Variants in CARTPT observed in about 807,000 individuals in gnomAD.
CARTPT encodes the protein CART prepropeptide.
Under a neutral mutation model 12.2 loss-of-function variants are expected in CARTPT, and 6 were observed. The observed-to-expected ratio is 0.49, with a 90% CI of 0.27 to 0.97. CARTPT has a LOEUF of 0.97. Ranked by LOEUF, CARTPT falls within the 50% of genes least tolerant of loss-of-function variation. The pLI, the probability that CARTPT is intolerant of heterozygous loss-of-function variation, is 0.12. For synonymous variants in CARTPT, 75 were observed against 64.1 expected (o/e 1.17, Z -0.82); for missense variants, 135 against 142.0 (o/e 0.95, Z 0.25).
At chr5:71,719,603 A>G (rs1231659491) in intron 1 of CARTPT, 151 bp downstream of exon 1, 3 of 924,102 alleles carry the variant, frequency 3.2e-6, no homozygotes, top group Non-Finnish European at 5.0e-6. Flanking sequence ...CCATCCGAAG[A>G]GCGTCTCGAG....
Position 71,719,884 on chromosome 5 carries a change from A to C in CARTPT, c.164A>C (p.Glu55Ala). 1 of 1,614,164 alleles carries C rather than the reference A, an allele frequency of 6.2e-7. No individual in the cohort carries two copies. ...DDASHEKELI[E>A]ALQEVLKKLK... Reference sequence around the variant, plus strand: ...CTCCGAAGCGGTGTGTTGCAGATCGAAGCGCTGCAAGAAGTCTTGAAGAAG... The same window carrying C: ...CTCCGAAGCGGTGTGTTGCAGATCGCAGCGCTGCAAGAAGTCTTGAAGAAG... Residue 55 changes from glutamate to alanine, a missense_variant, in exon 2 of 3, where the codon GAA becomes GCA. Physicochemically the swap from Glu to Ala is moderately radical, Grantham distance 107 (BLOSUM62 -1). Coordinates refer to ENST00000296777, the MANE Select transcript of CARTPT (RefSeq NM_004291.4).
At chr5:71,719,492 C>A in intron 1 of CARTPT, 40 bp downstream of exon 1, 1 of 1,612,200 alleles carries the variant, frequency 6.2e-7, no homozygotes, top group Middle Eastern at 1.7e-4. Flanking sequence ...TGAGCTGTCG[C>A]CTTGTCTCTT....
chr5:71,719,589 A>G, intron 1 of CARTPT, 137 bp downstream of exon 1: 1 of 1,037,978 alleles, frequency 9.6e-7, no homozygotes, highest in African/African-American at 1.6e-5. Context: ...CCAGGCACCC[A>G]CTGCCATCCG....
At chr5:71,720,084 T>G in intron 2 of CARTPT, 121 bp downstream of exon 2, 1 of 860,486 alleles carries the variant, frequency 1.2e-6, no homozygotes, top group African/African-American at 1.6e-5. Flanking sequence ...GCTTGCAGGA[T>G]TCTGTGGGCT....
At chr5:71,719,692 G>T in intron 1 of CARTPT, 188 bp from the exon 2 acceptor site, 1 of 751,400 alleles carries the variant, frequency 1.3e-6, no homozygotes, top group South Asian at 1.6e-5. Flanking sequence ...GCGGCTCAGA[G>T]ACCCGCGGTC....
chr5:71,720,030 C>T (rs1396434640), intron 2 of CARTPT, 67 bp downstream of exon 2: 4 of 1,344,302 alleles, frequency 3.0e-6, no homozygotes, highest in Non-Finnish European at 4.3e-6. Flanking sequence ...GAATCGTACA[C>T]ACAGTCTTCT....
intron 2 of CARTPT, 79 bp downstream of exon 2, chr5:71,720,042 C>T (rs892979451): frequency 1.6e-6 from 2 of 1,257,956 alleles, no homozygotes; most frequent in Non-Finnish European, 2.3e-6. Flanking sequence ...CAGTCTTCTC[C>T]GTAGGATGTG....
At chr5:71,719,541 A>C in intron 1 of CARTPT, 89 bp downstream of exon 1, 2 of 1,491,938 alleles carry the variant, frequency 1.3e-6, no homozygotes, top group Non-Finnish European at 1.9e-6. Flanking sequence ...CCCCACTCCT[A>C]TTCCCAGAGT....
Position 71,719,867 on chromosome 5 carries a change from C to T in CARTPT, c.160-13C>T, listed in dbSNP as rs1447464628. On this transcript the variant is annotated splice_polypyrimidine_tract_variant and intron_variant, in intron 1 of 2. Coordinates refer to ENST00000296777, the MANE Select transcript of CARTPT (RefSeq NM_004291.4). ...AAGGCGGCAACTTCAGGCTCCGAAGCGGTGTGTTGCAGATCGAAGCGCTGC... is the reference window on the plus strand; with the variant it reads ...AAGGCGGCAACTTCAGGCTCCGAAGTGGTGTGTTGCAGATCGAAGCGCTGC... 1 of 1,613,716 alleles carries T rather than the reference C, an allele frequency of 6.2e-7. No individual in the cohort carries two copies. Among genetic ancestry groups the T allele is most frequent in the Non-Finnish European group, 8.5e-7 (1 of 1,179,752 alleles).
At chr5:71,719,849 C>T (rs1580358686) in intron 1 of CARTPT, 31 bp from the exon 2 acceptor site, 1 of 1,610,212 alleles carries the variant, frequency 6.2e-7, no homozygotes, top group African/African-American at 1.3e-5. Context: ...GCCAAGGCGG[C>T]AACTTCAGGC....
chr5:71,719,479 C>T, intron 1 of CARTPT, 27 bp downstream of exon 1: 1 of 1,613,598 alleles, frequency 6.2e-7, no homozygotes, highest in Non-Finnish European at 8.5e-7. Context: ...CTCTCGACCC[C>T]CTTGAGCTGT....
In CARTPT at chr5:71,720,786, G is replaced by A. The variant is rs1026629202; in HGVS notation, c.*171G>A. ...ATAAAAGAACACATTAGATGTTACT[G>A]TGTGAAGAATAATGCCTTGTATGGT... On this transcript the variant is annotated 3_prime_UTR_variant, in exon 3 of 3. Coordinates refer to ENST00000296777, the MANE Select transcript of CARTPT (RefSeq NM_004291.4). The A allele has an allele frequency of 2.1e-5, 14 of 655,244 alleles. No individual in the cohort carries two copies. Among genetic ancestry groups the A allele is most frequent in the Non-Finnish European group, 3.9e-5 (14 of 363,316 alleles). 40.6% of individuals were successfully genotyped at this position (655,244 alleles called of 1,614,324 possible). A position where few individuals can be genotyped will look rare whatever the true frequency, so the allele number is the denominator to read the frequency against.
intron 2 of CARTPT, 83 bp from the exon 3 acceptor site, chr5:71,720,425 C>T (rs983563502): frequency 8.1e-7 from 1 of 1,238,076 alleles, no homozygotes; most frequent in Non-Finnish European, 1.2e-6. Context: ...TTTCAAGAGA[C>T]AGAAATTGCG....
At position 71,720,686 on chromosome 5, in the gene CARTPT, G is replaced by A. The variant is rs750874212; in HGVS notation, c.*71G>A. The A allele has an allele frequency of 9.6e-6, 12 of 1,254,806 alleles. No homozygotes were observed. The highest frequency in any genetic ancestry group is 1.3e-5 in the Non-Finnish European group (11 of 873,890). The allele number at this position is 1,254,806 out of a possible 1,614,324, so 77.7% of individuals were successfully genotyped here. On this transcript the variant is annotated 3_prime_UTR_variant, in exon 3 of 3. Coordinates refer to ENST00000296777, the MANE Select transcript of CARTPT (RefSeq NM_004291.4). ...CCAGAGGACCACACCTTCCTCCCTG[G>A]AGTTTGGCTTAAGCAACAGATAAAG...
At position 71,719,368 on chromosome 5, in the gene CARTPT, C is replaced by T. The variant is rs748320595; in HGVS notation, c.75C>T (p.Thr25=). 15 of 1,614,124 alleles carry T rather than the reference C, an allele frequency of 9.3e-6. No homozygotes were observed. The South Asian group carries it at 1.4e-4, about 15-fold the overall frequency. The change falls in exon 1 of 3, where the codon ACC becomes ACT. Residue 25 remains threonine, a synonymous_variant. Transcript: ENST00000296777. The part of the protein sequence containing the change: ...ALLLMLPLLG[T]RAQEDAELQP... Reference sequence around the variant, plus strand: ...TGCTGATGCTACCTCTGTTGGGTACCCGTGCCCAGGAGGACGCCGAGCTCC... The same window carrying T: ...TGCTGATGCTACCTCTGTTGGGTACTCGTGCCCAGGAGGACGCCGAGCTCC...
intron 2 of CARTPT, 144 bp from the exon 3 acceptor site, chr5:71,720,364 G>T: frequency 1.4e-6 from 1 of 737,758 alleles, no homozygotes. Context: ...CCCTGTTTCA[G>T]ATCTGACTGT....
chr5:71,720,769 A>G lies in CARTPT; in HGVS notation c.*154A>G. 1 of 693,688 alleles carries G rather than the reference A, an allele frequency of 1.4e-6. No homozygotes were observed. The highest frequency in any genetic ancestry group is 2.6e-6 in the Non-Finnish European group (1 of 381,870). 43.0% of individuals were successfully genotyped at this position (693,688 alleles called of 1,614,324 possible). On this transcript the variant is annotated 3_prime_UTR_variant, in exon 3 of 3. Coordinates refer to ENST00000296777, the MANE Select transcript of CARTPT (RefSeq NM_004291.4). ...TTCCTGCTGTTTCAAAAATAAAAGA[A>G]CACATTAGATGTTACTGTGTGAAGA...
At chr5:71,719,675 G>GGCCCC in intron 1 of CARTPT, 2 of 754,958 alleles carry the variant, frequency 2.6e-6, no homozygotes, top group Non-Finnish European at 4.4e-6. Flanking sequence ...GAGCAACAGG[G>GGCCCC]ACCCCAGCGG....
Position 71,720,732 on chromosome 5 carries a change from G to C in CARTPT, c.*117G>C. On this transcript the variant is annotated 3_prime_UTR_variant, in exon 3 of 3. Coordinates refer to ENST00000296777, the MANE Select transcript of CARTPT (RefSeq NM_004291.4). Reference sequence around the variant, plus strand: ...TAAAGTTTTTATTTTCCTCTGAAGGGAAAGGGCTCTTTTCCTGCTGTTTCA... The same window carrying C: ...TAAAGTTTTTATTTTCCTCTGAAGGCAAAGGGCTCTTTTCCTGCTGTTTCA... 1.3e-6 allele frequency: 1 copy of C among 792,066 alleles called. No homozygotes were observed. The highest frequency in any genetic ancestry group is 2.0e-5 in the Admixed American group (1 of 49,398). The allele number at this position is 792,066 out of a possible 1,614,324, so 49.1% of individuals were successfully genotyped here. A position where few individuals can be genotyped will look rare whatever the true frequency, so the allele number is the denominator to read the frequency against.
Sources: allele counts gnomAD v4.1 joint callset, GRCh38; gene constraint gnomAD v4.1.1; transcripts MANE v1.5; gene names NCBI Gene and HGNC (gene_info 2026-07-23, HGNC 2026-07-21).